PCDHGB5: variants seen among roughly 807,000 people sequenced by gnomAD.
The protein encoded by PCDHGB5 is protocadherin gamma subfamily B, 5, also known as protocadherin gamma-B5.
A neutral mutation model predicts 62.9 loss-of-function variants in PCDHGB5; 48 were observed. The observed-to-expected ratio is 0.76, with a 90% CI of 0.61 to 0.97. The LOEUF (loss-of-function observed/expected upper bound fraction) is 0.97. Ranked by LOEUF, PCDHGB5 falls within the 50% of genes least tolerant of loss-of-function variation. The pLI is 0.00. For synonymous variants in PCDHGB5, 474 were observed against 511.2 expected (o/e 0.93, Z 0.98); for missense variants, 1,118 against 1,198.6 (o/e 0.93, Z 0.99).
chr5:141,417,902 C>G (rs2096184021), intron 1 of PCDHGB5: 1 of 1,588,280 alleles, frequency 6.3e-7, no homozygotes, highest in Non-Finnish European at 8.6e-7. Context: ...CGGCCCGCGG[C>G]AGGTACTATT....
rs374229757 is a variant in PCDHGB5, at chr5:141,491,437, C to T, written c.2398-3370C>T. 4 of 1,613,978 alleles carry T rather than the reference C, an allele frequency of 2.5e-6. No homozygotes were observed. Among genetic ancestry groups the T allele is most frequent in the Admixed American group, 3.3e-5 (2 of 60,004 alleles). ...CGGGGGTGGAGGGCAGTGCTGCAGG[C>T]GCCAGGACTCACCCTCCCCGGACTT... On this transcript the variant is annotated intron_variant, in intron 1 of 3. Coordinates refer to ENST00000617380, the MANE Select transcript of PCDHGB5 (RefSeq NM_018925.3). This position sits in a 1 kb window ranked among gnomAD's most constrained non-coding sequence, Gnocchi z 6.9.
chr5:141,399,483 CTACT>C lies in PCDHGB5; in HGVS notation c.1359_1362del (p.Tyr453Ter). The C allele has an allele frequency of 1.2e-6, 2 of 1,614,048 alleles. No individual in the cohort carries two copies. The highest frequency in any genetic ancestry group is 8.5e-7 in the Non-Finnish European group (1 of 1,179,892). ...ACGCTCCGGTTTTCCACCAGGCGTC[CTACT>C]TAGTCAGTGTACCCGAAAACAACCC... On this transcript the variant is annotated frameshift_variant, in exon 1 of 4. Transcript: ENST00000617380. LOFTEE classifies it high-confidence loss of function.
At chr5:141,455,605 T>C (rs930071553) in intron 1 of PCDHGB5, among the ~76,000 whole-genome samples, 2 of 152,098 alleles carry the variant, frequency 1.3e-5, no homozygotes, top group African/African-American at 4.8e-5. Flanking sequence ...TAGGGCGCCA[T>C]GGATGTTCTA....
At chr5:141,410,011 G>A in intron 1 of PCDHGB5, 1 of 1,613,302 alleles carries the variant, frequency 6.2e-7, no homozygotes, top group Non-Finnish European at 8.5e-7. Context: ...ACAACGCCTG[G>A]CTGTCCTACC....
chr5:141,466,401 T>A (rs2099122186), intron 1 of PCDHGB5, among the ~76,000 whole-genome samples: 1 of 152,210 alleles, frequency 6.6e-6, no homozygotes, highest in Non-Finnish European at 1.5e-5. Flanking sequence ...TTTGCTCAAC[T>A]TTAATTTTTC....
chr5:141,440,931 C>G (rs2098213287), intron 1 of PCDHGB5: 1 of 152,186 alleles, frequency 6.6e-6, no homozygotes, highest in Non-Finnish European at 1.5e-5. Context: ...GTGAGGGCCA[C>G]CAACCAGGAC....
chr5:141,476,036 A>G lies in PCDHGB5; in HGVS notation c.2398-18771A>G. The G allele has an allele frequency of 1.4e-6, 2 of 1,471,164 alleles. No individual in the cohort carries two copies. Among genetic ancestry groups the G allele is most frequent in the Non-Finnish European group, 1.8e-6 (2 of 1,106,602 alleles). 91.1% of individuals were successfully genotyped at this position (1,471,164 alleles called of 1,614,324 possible). ...ATGTCGGACTCGGCGCCCAGCGCCCAAGCGCTAACCCGCTGAAAGTTTCTC... is the reference window on the plus strand; with the variant it reads ...ATGTCGGACTCGGCGCCCAGCGCCCGAGCGCTAACCCGCTGAAAGTTTCTC... On this transcript the variant is annotated intron_variant, in intron 1 of 3. Transcript: ENST00000617380. The surrounding 1 kb of genome is among the most constrained non-coding windows in gnomAD (Gnocchi z 7.6).
At chr5:141,425,209 A>G (rs2096861765) in intron 1 of PCDHGB5, among the ~76,000 whole-genome samples, 1 of 152,180 alleles carries the variant, frequency 6.6e-6, no homozygotes, top group African/African-American at 2.4e-5. Context: ...GATGTAAGGC[A>G]TTGTACTTTG....
At chr5:141,445,300 TCA>T (rs1443961962) in intron 1 of PCDHGB5, among the ~76,000 whole-genome samples, 1 of 152,202 alleles carries the variant, frequency 6.6e-6, no homozygotes, top group Non-Finnish European at 1.5e-5. Flanking sequence ...TCCATTCTCT[TCA>T]GTTTGTAGGT....
In PCDHGB5 at chr5:141,485,539, G is replaced by T; in HGVS notation, c.2398-9268G>T. 6.2e-7 allele frequency: 1 copy of T among 1,614,104 alleles called. No individual in the cohort carries two copies. Among genetic ancestry groups the T allele is most frequent in the Non-Finnish European group, 8.5e-7 (1 of 1,179,998 alleles). On this transcript the variant is annotated intron_variant, in intron 1 of 3. Coordinates refer to ENST00000617380, the MANE Select transcript of PCDHGB5 (RefSeq NM_018925.3). This position sits in a 1 kb window ranked among gnomAD's most constrained non-coding sequence, Gnocchi z 5.7. ...TGGAAATGTACCGAGCAGAGGTAGA[G>T]ATCGTAGATGTGAATGATCACGCCC...
rs568314069 is a variant in PCDHGB5 at position 141,486,371 on chromosome 5, G to C, written c.2398-8436G>C. 53 of 1,614,138 alleles carry C rather than the reference G, an allele frequency of 3.3e-5. 2 individuals are homozygous for C. The South Asian group carries it at 5.3e-4, about 16-fold the overall frequency. Reference sequence around the variant, plus strand: ...CCACTTGCCATTTGCCCTCAAGTCTGCCTTCAGGAACCAGTTCTCCCTGGT... The same window carrying C: ...CCACTTGCCATTTGCCCTCAAGTCTCCCTTCAGGAACCAGTTCTCCCTGGT... On this transcript the variant is annotated intron_variant, in intron 1 of 3. Transcript: ENST00000617380. The surrounding 1 kb of genome is among the most constrained non-coding windows in gnomAD (Gnocchi z 5.0).
At chr5:141,507,896 G>A (rs1457319438) in intron 3 of PCDHGB5, among the ~76,000 whole-genome samples, 1 of 152,210 alleles carries the variant, frequency 6.6e-6, no homozygotes, top group African/African-American at 2.4e-5. Flanking sequence ...GGTTCCTGAA[G>A]TCCAGCCCAG....
chr5:141,432,374 C>T lies in PCDHGB5; in HGVS notation c.2397+31850C>T. The T allele has an allele frequency of 6.2e-7, 1 of 1,614,240 alleles. No individual in the cohort carries two copies. The highest frequency in any genetic ancestry group is 1.1e-5 in the South Asian group (1 of 91,082). ...GAAAGTGATGGCGCGGGACAACGGG[C>T]ACCCGCCCCTCAGCAGCAACGTGTC... On this transcript the variant is annotated intron_variant, in intron 1 of 3. Transcript: ENST00000617380. The surrounding 1 kb of genome is among the most constrained non-coding windows in gnomAD (Gnocchi z 6.0).
chr5:141,475,715 C>A (rs989484033), intron 1 of PCDHGB5, among the ~76,000 whole-genome samples: 3 of 152,366 alleles, frequency 2.0e-5, no homozygotes, highest in South Asian at 4.1e-4. Context: ...AGCCTCACAG[C>A]CCCAAGGCTG....
chr5:141,419,220 A>G (rs2096345873), intron 1 of PCDHGB5: 1 of 1,613,966 alleles, frequency 6.2e-7, no homozygotes, highest in Non-Finnish European at 8.5e-7. Context: ...GTTTTCGGAC[A>G]GTCAGCCTAC....
chr5:141,487,143 C>T lies in PCDHGB5; in HGVS notation c.2398-7664C>T. Reference sequence around the variant, plus strand: ...GATAGTGGTAGTCCACCACTCTCTACCTCTGTTACTCTCTTAGTGTCCTTA... The same window carrying T: ...GATAGTGGTAGTCCACCACTCTCTATCTCTGTTACTCTCTTAGTGTCCTTA... On this transcript the variant is annotated intron_variant, in intron 1 of 3. Coordinates refer to ENST00000617380, the MANE Select transcript of PCDHGB5 (RefSeq NM_018925.3). This position sits in a 1 kb window ranked among gnomAD's most constrained non-coding sequence, Gnocchi z 5.0. 1.2e-6 allele frequency: 2 copies of T among 1,614,028 alleles called. No homozygotes were observed. Among genetic ancestry groups the T allele is most frequent in the Non-Finnish European group, 1.7e-6 (2 of 1,179,862 alleles).
At chr5:141,412,441 G>A (rs1334085357) in intron 1 of PCDHGB5, 2 of 152,124 alleles carry the variant, frequency 1.3e-5, no homozygotes, top group Non-Finnish European at 2.9e-5. Context: ...GTTAATTAAG[G>A]CTCAGTAAAA....
rs1025148587 is a variant in PCDHGB5 at position 141,431,434 on chromosome 5, C to A, written c.2397+30910C>A. ...GGGGCGACCCGGTGCGCACAGGCAC[C>A]GCGCGCATCCGCGTGATGGTTCTGG... On this transcript the variant is annotated intron_variant, in intron 1 of 3. Transcript: ENST00000617380. This position sits in a 1 kb window ranked among gnomAD's most constrained non-coding sequence, Gnocchi z 4.8. 1.2e-6 allele frequency: 2 copies of A among 1,613,690 alleles called. No homozygotes were observed. Among genetic ancestry groups the A allele is most frequent in the Admixed American group, 1.7e-5 (1 of 60,014 alleles).
At chr5:141,454,796 ATTTTTTTTTTTTTTTT>A (rs61612330) in intron 1 of PCDHGB5, among the ~76,000 whole-genome samples, 1 of 77,408 alleles carries the variant, frequency 1.3e-5, no homozygotes, top group East Asian at 4.0e-4. Flanking sequence ...CATGGTTCTA[ATTTTTTTTTTTTTTTT>A]TTTTTTTTTT....
Sources: allele counts gnomAD v4.1 joint callset (sites outside exome capture counted in the v4.1 genomes callset), GRCh38; gene constraint gnomAD v4.1.1; non-coding constraint Gnocchi (gnomAD v3.1); transcripts MANE v1.5; gene names NCBI Gene and HGNC (gene_info 2026-07-23, HGNC 2026-07-21).